Variants in CFAP91 observed in about 807,000 individuals in gnomAD.
The protein encoded by CFAP91 is cilia- and flagella-associated protein 91.
CFAP91 carries 85 observed loss-of-function variants against 95.9 expected under a neutral mutation model. That is an observed-to-expected ratio of 0.89 (90% CI 0.74 to 1.06). The LOEUF is 1.06. Among genes scored for constraint, CFAP91 ranks in the 50% least tolerant of loss-of-function variants. The pLI is 0.00. For missense variants in CFAP91, 962 were observed against 943.4 expected, an observed-to-expected ratio of 1.02 and a Z score of -0.26; for synonymous variants, 335 against 327.5, an observed-to-expected ratio of 1.02 and a Z score of -0.25.
chr3:119,726,303 A>G lies in CFAP91; in HGVS notation c.815A>G (p.Glu272Gly). 2.5e-6 allele frequency: 4 copies of G among 1,613,816 alleles called. No homozygotes were observed. The highest frequency in any genetic ancestry group is 3.4e-6 in the Non-Finnish European group (4 of 1,179,900). ...QFEKRRKMMN[E>G]MERKEWAFRE... ...GAGAAGAGGAGGAAAATGATGAATG[A>G]AATGGAGAGGAAGGAGTGGGCCTTC... Residue 272 changes from glutamate to glycine, a missense_variant, in exon 7 of 18, where the codon GAA becomes GGA. Glu to Gly is a moderately conservative substitution (Grantham distance 98, BLOSUM62 -2). Coordinates refer to ENST00000273390, the MANE Select transcript of CFAP91 (RefSeq NM_033364.4).
At chr3:119,717,291 T>A (rs976036414) in intron 6 of CFAP91, among the ~76,000 whole-genome samples, 12 of 152,194 alleles carry the variant, frequency 7.9e-5, no homozygotes, top group Admixed American at 5.2e-4. Context: ...GATAAGGACT[T>A]GGCGTTAAAC....
intron 17 of CFAP91, among the ~76,000 whole-genome samples, chr3:119,751,985 G>A (rs1295284340): frequency 1.3e-5 from 2 of 152,180 alleles, no homozygotes; most frequent in African/African-American, 4.8e-5. Flanking sequence ...TTTTTAAGTA[G>A]TTCAAATTGC....
At chr3:119,740,815 T>G (rs911619781) in intron 13 of CFAP91, 120 bp downstream of exon 13, 2 of 1,031,696 alleles carry the variant, frequency 1.9e-6, no homozygotes, top group Non-Finnish European at 2.9e-6. Flanking sequence ...AGCCCCACAA[T>G]CCCATCACTC....
intron 6 of CFAP91, 62 bp downstream of exon 6, chr3:119,715,805 C>T: frequency 6.9e-7 from 1 of 1,454,068 alleles, no homozygotes. Context: ...GCATGCTGTT[C>T]AAATGGCCCA....
At chr3:119,749,196 A>T (rs1170667093) in intron 16 of CFAP91, 1 of 152,104 alleles carries the variant, frequency 6.6e-6, no homozygotes, top group African/African-American at 2.4e-5. Context: ...CCACCCTAGG[A>T]TTGAAAGAGA....
At chr3:119,761,569 T>G (rs1044057866) in intron 17 of CFAP91, among the ~76,000 whole-genome samples, 2 of 151,842 alleles carry the variant, frequency 1.3e-5, no homozygotes, top group Non-Finnish European at 2.9e-5. Context: ...ATATCCCTGA[T>G]TAACGTGGAT....
intron 11 of CFAP91, among the ~76,000 whole-genome samples, chr3:119,738,517 T>A (rs566329849): frequency 1.3e-5 from 2 of 151,188 alleles, no homozygotes; most frequent in South Asian, 4.2e-4. Flanking sequence ...CCCAGCTAAT[T>A]TTTATAGTTT....
intron 17 of CFAP91, among the ~76,000 whole-genome samples, chr3:119,757,810 G>C (rs987936876): frequency 1.3e-5 from 2 of 152,112 alleles, no homozygotes. Flanking sequence ...CAGAGGAGCT[G>C]TGTGGGCTGG....
chr3:119,725,180 T>C (rs1374981462), intron 6 of CFAP91, among the ~76,000 whole-genome samples: 1 of 152,240 alleles, frequency 6.6e-6, no homozygotes, highest in Non-Finnish European at 1.5e-5. Flanking sequence ...TACCTGCTTT[T>C]GCAAGGCCAC....
chr3:119,741,322 C>G (rs1352401917), intron 13 of CFAP91, among the ~76,000 whole-genome samples: 1 of 151,986 alleles, frequency 6.6e-6, no homozygotes, highest in Non-Finnish European at 1.5e-5. Context: ...TTAGTGAGGG[C>G]TTTGTAGACT....
chr3:119,737,832 T>G (rs2054040010), intron 11 of CFAP91, among the ~76,000 whole-genome samples: 1 of 152,212 alleles, frequency 6.6e-6, no homozygotes, highest in South Asian at 2.1e-4. Flanking sequence ...TGATGACTGT[T>G]GGAGTCGAAG....
chr3:119,734,987 A>T (rs970864969), intron 10 of CFAP91, among the ~76,000 whole-genome samples: 3 of 151,630 alleles, frequency 2.0e-5, no homozygotes, highest in Non-Finnish European at 2.9e-5. Context: ...TTTTTGGTAA[A>T]TTTTTTTTTA....
At chr3:119,755,447 A>T (rs1021866832) in intron 17 of CFAP91, among the ~76,000 whole-genome samples, 2 of 152,160 alleles carry the variant, frequency 1.3e-5, no homozygotes, top group African/African-American at 4.8e-5. Flanking sequence ...GAGAAGAGAC[A>T]TCACAGTGCT....
In CFAP91 at chr3:119,746,087, A is replaced by G. The variant is rs912845600; in HGVS notation, c.1903-1028A>G. Among the ~76,000 whole-genome samples, 4 of 152,324 alleles carry G rather than the reference A, an allele frequency of 2.6e-5. No homozygotes were observed. In the East Asian group the frequency reaches 5.8e-4, roughly 22 times the overall value. Reference sequence around the variant, plus strand: ...GTTGATGCTTAATCTTTCTATATACATACACCTGTAAAGCGGGCAAAACTA... The same window carrying G: ...GTTGATGCTTAATCTTTCTATATACGTACACCTGTAAAGCGGGCAAAACTA... On this transcript the variant is annotated intron_variant, in intron 14 of 17. Transcript: ENST00000273390.
chr3:119,750,814 T>G, intron 16 of CFAP91, 123 bp from the exon 17 acceptor site: 1 of 1,016,092 alleles, frequency 9.8e-7, no homozygotes. Flanking sequence ...AGAAAGAAAT[T>G]AGATTTGGGT....
chr3:119,745,026 T>G (rs2054195331), intron 14 of CFAP91, among the ~76,000 whole-genome samples: 1 of 152,146 alleles, frequency 6.6e-6, no homozygotes, highest in African/African-American at 2.4e-5. Flanking sequence ...TAAAAAAGCT[T>G]CTTAGGAAGA....
chr3:119,758,819 A>G (rs1213995056), intron 17 of CFAP91, among the ~76,000 whole-genome samples: 1 of 152,072 alleles, frequency 6.6e-6, no homozygotes. Flanking sequence ...GAAAGAGGAA[A>G]ATCTAATTAC....
intron 1 of CFAP91, 27 bp downstream of exon 1, chr3:119,703,249 G>T (rs369037835): frequency 6.2e-7 from 1 of 1,608,576 alleles, no homozygotes; most frequent in Non-Finnish European, 8.5e-7. Flanking sequence ...ACCTTCCTCC[G>T]CGTCCGTCGC....
chr3:119,736,339 T>G (rs2054006214), intron 10 of CFAP91, among the ~76,000 whole-genome samples: 1 of 144,376 alleles, frequency 6.9e-6, no homozygotes, highest in Non-Finnish European at 1.5e-5. Context: ...TGGTGCGATC[T>G]CCGCTCACTG....
Sources: gnomAD v4.1 joint callset for allele counts (sites outside exome capture counted in the v4.1 genomes callset) on GRCh38, gnomAD v4.1.1 for gene constraint, MANE v1.5 for transcripts, NCBI Gene and HGNC (gene_info 2026-07-23, HGNC 2026-07-21) for gene names.